Variants in FUT9 observed in about 807,000 individuals in gnomAD.
The protein encoded by FUT9 is 4-galactosyl-N-acetylglucosaminide 3-alpha-L-fucosyltransferase 9.
In FUT9, 15 loss-of-function variants were observed where a neutral mutation model predicts 29.7. The observed-to-expected ratio is 0.51, with a 90% CI of 0.34 to 0.78. The LOEUF (loss-of-function observed/expected upper bound fraction) is 0.78. Ranked by LOEUF, FUT9 falls within the 30% of genes least tolerant of loss-of-function variation. The pLI, the probability that FUT9 is intolerant of heterozygous loss-of-function variation, is 0.01. For synonymous variants in FUT9, 169 were observed against 153.7 expected (o/e 1.10, Z -0.74); for missense variants, 319 against 425.4 (o/e 0.75, Z 2.20).
In FUT9 at chr6:96,207,730, C is replaced by T. The variant is rs868458921; in HGVS notation, c.*3495C>T. ...TGTGGACACAAAAAAGGGAACAGAC[C>T]ATTTAAAATGTTTTATTTCAAAATA... On this transcript the variant is annotated 3_prime_UTR_variant, in exon 3 of 3. Transcript: ENST00000302103. 3 of 166,856 alleles carry T rather than the reference C, an allele frequency of 1.8e-5. No homozygotes were observed. Among genetic ancestry groups the T allele is most frequent in the Non-Finnish European group, 1.5e-5 (1 of 68,024 alleles). 10.3% of individuals were successfully genotyped at this position (166,856 alleles called of 1,614,324 possible).
chr6:96,084,075 C>T (rs939536374), intron 1 of FUT9, among the ~76,000 whole-genome samples: 5 of 152,010 alleles, frequency 3.3e-5, no homozygotes, highest in Non-Finnish European at 5.9e-5. Flanking sequence ...AGATTTGGGG[C>T]GTCTTCTTAA....
intron 1 of FUT9, among the ~76,000 whole-genome samples, chr6:96,044,523 T>G (rs1770524539): frequency 6.6e-6 from 1 of 152,234 alleles, no homozygotes; most frequent in Non-Finnish European, 1.5e-5. Context: ...AATATGTAAC[T>G]TATTTTCTTC....
At chr6:96,104,235 G>C (rs746802024) in intron 1 of FUT9, among the ~76,000 whole-genome samples, 11 of 152,168 alleles carry the variant, frequency 7.2e-5, no homozygotes, top group Non-Finnish European at 1.5e-4. Context: ...CCATTTGCCA[G>C]AGTAGATCAG....
intron 1 of FUT9, among the ~76,000 whole-genome samples, chr6:96,046,170 G>A (rs1562106753): frequency 6.8e-6 from 1 of 148,088 alleles, no homozygotes; most frequent in Non-Finnish European, 1.5e-5. Context: ...TTTTAACTAG[G>A]ACCCAAAAGG....
intron 2 of FUT9, among the ~76,000 whole-genome samples, chr6:96,148,178 T>C (rs769456412): frequency 2.6e-5 from 4 of 152,166 alleles, no homozygotes; most frequent in Non-Finnish European, 5.9e-5. Flanking sequence ...TTTAGTGCAA[T>C]AGACTTATCA....
At chr6:96,027,311 A>G (rs910861966) in intron 1 of FUT9, among the ~76,000 whole-genome samples, 13 of 151,728 alleles carry the variant, frequency 8.6e-5, no homozygotes, top group Admixed American at 1.3e-4. Flanking sequence ...CTTCTATTCT[A>G]ACCCTGCATT....
At chr6:96,072,503 A>G (rs889289778) in intron 1 of FUT9, among the ~76,000 whole-genome samples, 1 of 152,158 alleles carries the variant, frequency 6.6e-6, no homozygotes, top group African/African-American at 2.4e-5. Flanking sequence ...TAAAAACAAA[A>G]CAAGGGAGAG....
intron 2 of FUT9, among the ~76,000 whole-genome samples, chr6:96,191,355 G>A (rs909978793): frequency 1.3e-5 from 2 of 152,066 alleles, no homozygotes; most frequent in Non-Finnish European, 2.9e-5. Flanking sequence ...AAGAAGAAAA[G>A]AGAGAAGAAT....
intron 1 of FUT9, among the ~76,000 whole-genome samples, chr6:96,113,339 A>T (rs1289717122): frequency 6.6e-6 from 1 of 151,870 alleles, no homozygotes; most frequent in Non-Finnish European, 1.5e-5. Context: ...CCGAGGTTCA[A>T]GCGATTCTCC....
chr6:96,120,052 T>G (rs968938117), intron 2 of FUT9, among the ~76,000 whole-genome samples: 1 of 152,106 alleles, frequency 6.6e-6, no homozygotes, highest in African/African-American at 2.4e-5. Context: ...TCTGTTACAA[T>G]ACATAAATAT....
chr6:96,073,432 G>C (rs1468153108), intron 1 of FUT9, among the ~76,000 whole-genome samples: 1 of 146,314 alleles, frequency 6.8e-6, no homozygotes, highest in East Asian at 2.0e-4. Flanking sequence ...TTGGGAGACA[G>C]AGTGAGACTC....
intron 2 of FUT9, among the ~76,000 whole-genome samples, chr6:96,126,110 G>A (rs1042923254): frequency 2.0e-5 from 3 of 152,104 alleles, no homozygotes; most frequent in South Asian, 2.1e-4. Context: ...GTTAAAACTC[G>A]TCCACAGCCT....
At chr6:96,101,567 A>C (rs1771586701) in intron 1 of FUT9, among the ~76,000 whole-genome samples, 1 of 151,830 alleles carries the variant, frequency 6.6e-6, no homozygotes, top group South Asian at 2.1e-4. Context: ...AAGAACATAA[A>C]AATGTACATT....
intron 2 of FUT9, among the ~76,000 whole-genome samples, chr6:96,170,276 C>T (rs1327066479): frequency 6.6e-6 from 1 of 152,002 alleles, no homozygotes; most frequent in African/African-American, 2.4e-5. Flanking sequence ...CACAGTAGGT[C>T]AAATCGATAT....
intron 2 of FUT9, among the ~76,000 whole-genome samples, chr6:96,193,176 T>C (rs1582300319): frequency 7.1e-6 from 1 of 141,842 alleles, no homozygotes; most frequent in Admixed American, 7.4e-5. Context: ...CCAAAAGCAA[T>C]GGCAACAAAA....
chr6:96,175,473 C>T (rs1033081743), intron 2 of FUT9, among the ~76,000 whole-genome samples: 1 of 152,234 alleles, frequency 6.6e-6, no homozygotes, highest in Admixed American at 6.5e-5. Flanking sequence ...GGTCTCGATG[C>T]TAAATATATA....
intron 2 of FUT9, among the ~76,000 whole-genome samples, chr6:96,161,382 A>G (rs910792740): frequency 4.6e-5 from 7 of 152,158 alleles, no homozygotes; most frequent in Admixed American, 2.0e-4. Flanking sequence ...CCAGCACCTT[A>G]ATCTTGGACT....
At chr6:96,051,880 C>T (rs1301961590) in intron 1 of FUT9, among the ~76,000 whole-genome samples, 2 of 152,072 alleles carry the variant, frequency 1.3e-5, no homozygotes, top group Non-Finnish European at 2.9e-5. Flanking sequence ...AAAGAGCAAG[C>T]ATCCAGACCC....
At chr6:96,195,689 G>C (rs1258086633) in intron 2 of FUT9, among the ~76,000 whole-genome samples, 3 of 152,174 alleles carry the variant, frequency 2.0e-5, no homozygotes, top group Non-Finnish European at 4.4e-5. Context: ...AAAGCGTAAA[G>C]CTTTTGTTTT....
Sources: gnomAD v4.1 joint callset for allele counts (sites outside exome capture counted in the v4.1 genomes callset) on GRCh38, gnomAD v4.1.1 for gene constraint, MANE v1.5 for transcripts, NCBI Gene and HGNC (gene_info 2026-07-23, HGNC 2026-07-21) for gene names.